The following FAM107B variants were observed in gnomAD, a reference collection of about 807,000 sequenced individuals.
FAM107B encodes the protein protein FAM107B.
In FAM107B, 21 loss-of-function variants were observed where a neutral mutation model predicts 31.5. The ratio of observed to expected loss-of-function variants is 0.67; its 90% CI spans 0.47 to 0.96. The LOEUF is 0.96. FAM107B is among the 40% of genes least tolerant of loss of function. FAM107B has a pLI of 0.00. For missense variants in FAM107B, 452 were observed against 377.1 expected (o/e 1.20, Z -1.64); for synonymous variants, 157 against 141.5 (o/e 1.11, Z -0.78).
intron 1 of FAM107B, among the ~76,000 whole-genome samples, chr10:14,701,913 AG>A (rs1855407816): frequency 6.6e-6 from 1 of 152,242 alleles, no homozygotes; most frequent in South Asian, 2.1e-4. Flanking sequence ...TCCTTGGCCA[AG>A]AAAATCTAAT....
At chr10:14,769,840 T>C (rs151150570) in intron 1 of FAM107B, among the ~76,000 whole-genome samples, 1 of 152,360 alleles carries the variant, frequency 6.6e-6, no homozygotes, top group East Asian at 1.9e-4. Context: ...CAAACTACTC[T>C]GAAACTTTTA....
In FAM107B at chr10:14,725,821, CT is replaced by C. The variant is rs759788163; in HGVS notation, c.411+48431del. 1.4e-3 allele frequency among the ~76,000 whole-genome samples: 135 copies of C among 94,304 alleles called. No individual in the cohort carries two copies. In the East Asian group the frequency reaches 0.016, roughly 11 times the overall value. The allele number at this position is 94,304 out of a possible 152,430, so 61.9% of individuals were successfully genotyped here. Reference sequence around the variant, plus strand: ...TCTAGGGAGCAAAAGCAGTCAAATCCTTTTTTTTTTTTTTTTTTTTTGGAAA... The same window carrying C: ...TCTAGGGAGCAAAAGCAGTCAAATCCTTTTTTTTTTTTTTTTTTTTGGAAA... On this transcript the variant is annotated intron_variant, in intron 1 of 4. Transcript: ENST00000181796.
intron 2 of FAM107B, among the ~76,000 whole-genome samples, chr10:14,535,699 G>A (rs574904046): frequency 2.0e-5 from 3 of 152,336 alleles, no homozygotes; most frequent in East Asian, 1.9e-4. Context: ...AGGGCCTCTC[G>A]TGCTGTTCTG....
At chr10:14,677,793 C>CG in intron 1 of FAM107B, among the ~76,000 whole-genome samples, 1 of 152,128 alleles carries the variant, frequency 6.6e-6, no homozygotes, top group Non-Finnish European at 1.5e-5. Context: ...CCTGGGAAAA[C>CG]GGGGGCAAGT....
intron 2 of FAM107B, among the ~76,000 whole-genome samples, chr10:14,574,502 G>C (rs935015214): frequency 6.6e-6 from 1 of 152,190 alleles, no homozygotes; most frequent in Non-Finnish European, 1.5e-5. Flanking sequence ...TCACCCAAGT[G>C]TCAGAACAAA....
rs1564606838 is a variant in FAM107B at position 14,629,425 on chromosome 10, A to AT, written c.469+38208dup. On this transcript the variant is annotated intron_variant, in intron 2 of 4. Coordinates refer to ENST00000181796, the MANE Select transcript of FAM107B (RefSeq NM_031453.4). ...TATATATTTAATATATATAATATATATAATATATATTATATATATATTATA... is the reference window on the plus strand; with the variant it reads ...TATATATTTAATATATATAATATATATTAATATATATTATATATATATTATA... 7.9e-3 allele frequency among the ~76,000 whole-genome samples: 33 copies of AT among 4,158 alleles called. 2 individuals carry two copies. Among genetic ancestry groups the AT allele is most frequent in the Admixed American group, 0.025 (8 of 322 alleles). 2.7% of individuals were successfully genotyped at this position (4,158 alleles called of 152,430 possible).
intron 1 of FAM107B, among the ~76,000 whole-genome samples, chr10:14,741,715 C>CTTTTTTTTT (rs769614377): frequency 7.9e-5 from 9 of 114,440 alleles, no homozygotes; most frequent in East Asian, 2.8e-4. Flanking sequence ...GCATAACTCC[C>CTTTTTTTTT]TTTTTTTTTT....
In FAM107B at chr10:14,663,685, C is replaced by T. The variant is rs149627158; in HGVS notation, c.469+3949G>A. Among the ~76,000 whole-genome samples, 196 of 152,134 alleles carry T rather than the reference C, an allele frequency of 1.3e-3. 1 individual carries two copies. Among genetic ancestry groups the T allele is most frequent in the African/African-American group, 4.4e-3 (182 of 41,488 alleles). ...GATTCCGGGAAAGGCACTAAGGTTC[C>T]ATCTTTCAATCACCTACTAAGAAAG... On this transcript the variant is annotated intron_variant, in intron 2 of 4. Coordinates refer to ENST00000181796, the MANE Select transcript of FAM107B (RefSeq NM_031453.4).
chr10:14,717,478 G>C (rs754716733), intron 1 of FAM107B, among the ~76,000 whole-genome samples: 5 of 152,210 alleles, frequency 3.3e-5, no homozygotes, highest in Non-Finnish European at 5.9e-5. Flanking sequence ...CCCTAAGTCT[G>C]AGAGCCCCTG....
intron 2 of FAM107B, among the ~76,000 whole-genome samples, chr10:14,642,517 T>C (rs895564471): frequency 2.0e-5 from 3 of 152,236 alleles, no homozygotes; most frequent in Non-Finnish European, 2.9e-5. Context: ...TTCCTTCATT[T>C]TGTCATGTCT....
intron 2 of FAM107B, among the ~76,000 whole-genome samples, chr10:14,623,811 G>C (rs7912492): frequency 6.6e-6 from 1 of 152,216 alleles, no homozygotes; most frequent in Non-Finnish European, 1.5e-5. Flanking sequence ...GGGGACAGAC[G>C]GGGACTCTGT....
intron 3 of FAM107B, among the ~76,000 whole-genome samples, chr10:14,525,271 T>C (rs1160055349): frequency 7.9e-5 from 12 of 152,182 alleles, no homozygotes; most frequent in Non-Finnish European, 1.8e-4. Context: ...TAACAAGTAC[T>C]TTCAACCCCT....
intron 1 of FAM107B, among the ~76,000 whole-genome samples, chr10:14,749,841 A>G (rs1832793725): frequency 6.6e-6 from 1 of 151,986 alleles, no homozygotes; most frequent in African/African-American, 2.4e-5. Flanking sequence ...TGTGTTATGG[A>G]GGGGTCATGA....
chr10:14,568,166 G>A (rs1440146872), intron 2 of FAM107B, among the ~76,000 whole-genome samples: 1 of 152,262 alleles, frequency 6.6e-6, no homozygotes, highest in Non-Finnish European at 1.5e-5. Flanking sequence ...GCAGCAGCGA[G>A]GGGAAGGGTC....
At chr10:14,627,988 G>C (rs887302833) in intron 2 of FAM107B, among the ~76,000 whole-genome samples, 2 of 151,996 alleles carry the variant, frequency 1.3e-5, no homozygotes, top group African/African-American at 4.8e-5. Context: ...TGGAGTCCAT[G>C]GTTGGTATAA....
intron 1 of FAM107B, among the ~76,000 whole-genome samples, chr10:14,756,496 G>C (rs1326931335): frequency 6.6e-6 from 1 of 152,172 alleles, no homozygotes; most frequent in Non-Finnish European, 1.5e-5. Flanking sequence ...AACAAAAAAG[G>C]ATTCTGCCTC....
At chr10:14,647,862 G>A (rs1020424991) in intron 2 of FAM107B, among the ~76,000 whole-genome samples, 2 of 152,092 alleles carry the variant, frequency 1.3e-5, no homozygotes, top group Non-Finnish European at 2.9e-5. Flanking sequence ...AGGCAATGCG[G>A]TAAACACCCT....
intron 1 of FAM107B, among the ~76,000 whole-genome samples, chr10:14,751,862 T>G (rs1329054904): frequency 6.6e-6 from 1 of 151,672 alleles, no homozygotes; most frequent in Non-Finnish European, 1.5e-5. Flanking sequence ...GGGCTTCCAC[T>G]TCCGCCTCCA....
At chr10:14,674,196 G>T (rs1378271041) in intron 1 of FAM107B, among the ~76,000 whole-genome samples, 1 of 152,126 alleles carries the variant, frequency 6.6e-6, no homozygotes, top group Non-Finnish European at 1.5e-5. Context: ...CTAGGCAAAG[G>T]TTTTATGGCT....
Sources: allele counts gnomAD v4.1 joint callset (sites outside exome capture counted in the v4.1 genomes callset), GRCh38; gene constraint gnomAD v4.1.1; transcripts MANE v1.5; gene names NCBI Gene and HGNC (gene_info 2026-07-23, HGNC 2026-07-21).